Variants in RANBP2 observed in about 807,000 individuals in gnomAD.
RANBP2 encodes the protein RAN binding protein 2, also known as E3 SUMO-protein ligase RanBP2.
RANBP2 carries 57 observed loss-of-function variants against 303.6 expected under a neutral mutation model. The observed-to-expected ratio is 0.19, with a 90% CI of 0.15 to 0.23. RANBP2 has a LOEUF of 0.23. Ranked by LOEUF, RANBP2 falls within the 10% of genes least tolerant of loss-of-function variation. RANBP2 has a pLI of 1.00. For missense variants in RANBP2, 3,138 were observed against 3,780.8 expected, an observed-to-expected ratio of 0.83 and a Z score of 4.46; for synonymous variants, 1,167 against 1,301.5, an observed-to-expected ratio of 0.90 and a Z score of 2.23.
chr2:109,572,068 G>A, the RANBP2 span, among the ~76,000 whole-genome samples: 10 of 152,272 alleles, frequency 6.6e-5, no homozygotes, highest in Admixed American at 2.6e-4. Flanking sequence ...TAAATGCTTC[G>A]TAATATTCAT....
chr2:108,827,677 G>A, the RANBP2 span, among the ~76,000 whole-genome samples: 3 of 152,084 alleles, frequency 2.0e-5, no homozygotes, highest in East Asian at 1.9e-4. Context: ...TTAGCCAGGC[G>A]TGGTGGCAGG....
chr2:109,473,206 T>TA, the RANBP2 span, among the ~76,000 whole-genome samples: 2,494 of 152,316 alleles, frequency 0.016, 70 homozygotes, highest in African/African-American at 0.058. Context: ...TGCCTAGACA[T>TA]ACGAGCGCCT....
chr2:108,814,428 C>T, the RANBP2 span, among the ~76,000 whole-genome samples: 1 of 151,874 alleles, frequency 6.6e-6, no homozygotes, highest in Non-Finnish European at 1.5e-5. Flanking sequence ...ACTTTATATT[C>T]AGGGACTGAA....
the RANBP2 span, among the ~76,000 whole-genome samples, chr2:108,818,405 A>G: frequency 6.6e-6 from 1 of 152,240 alleles, no homozygotes; most frequent in African/African-American, 2.4e-5. Flanking sequence ...CTCAGGATTC[A>G]TTTTAACATC....
At chr2:108,862,241 A>G in the RANBP2 span, among the ~76,000 whole-genome samples, 5 of 152,078 alleles carry the variant, frequency 3.3e-5, no homozygotes, top group Non-Finnish European at 7.4e-5. Context: ...AGAAATCTCA[A>G]TGGAATTTAT....
chr2:109,646,657 A>ATTT, the RANBP2 span, among the ~76,000 whole-genome samples: 49 of 119,012 alleles, frequency 4.1e-4, no homozygotes, highest in African/African-American at 1.4e-3. Context: ...ATGACTGGCT[A>ATTT]TTTTTTTTTT....
At chr2:109,425,592 T>A in the RANBP2 span, among the ~76,000 whole-genome samples, 6 of 152,198 alleles carry the variant, frequency 3.9e-5, no homozygotes, top group African/African-American at 1.2e-4. Flanking sequence ...CTAAATCTAC[T>A]CTGCCTGTGC....
the RANBP2 span, among the ~76,000 whole-genome samples, chr2:109,322,978 CTG>C: frequency 6.6e-6 from 1 of 152,204 alleles, no homozygotes; most frequent in Non-Finnish European, 1.5e-5. Context: ...CCAAATCTGA[CTG>C]TGGGCAAGGC....
At chr2:108,835,691 A>G in the RANBP2 span, among the ~76,000 whole-genome samples, 4 of 152,230 alleles carry the variant, frequency 2.6e-5, no homozygotes, top group Non-Finnish European at 4.4e-5. Flanking sequence ...ATTTTTAAGT[A>G]TACAGTTCAT....
the RANBP2 span, among the ~76,000 whole-genome samples, chr2:109,511,294 G>A: frequency 7.5e-4 from 114 of 152,288 alleles, no homozygotes; most frequent in African/African-American, 2.6e-3. Flanking sequence ...GGAGAATGAG[G>A]TCCCACAGCC....
chr2:109,527,248 T>C, the RANBP2 span, among the ~76,000 whole-genome samples: 2 of 152,330 alleles, frequency 1.3e-5, 1 homozygote, highest in South Asian at 4.1e-4. Flanking sequence ...GTGCTGGTCC[T>C]GGAGACTAAG....
the RANBP2 span, among the ~76,000 whole-genome samples, chr2:109,489,822 C>T: frequency 0.023 from 3,490 of 152,284 alleles, 70 homozygotes; most frequent in African/African-American, 0.054. Context: ...ACTGCAACCT[C>T]CACCTCCTGG....
chr2:109,463,995 C>T, the RANBP2 span, among the ~76,000 whole-genome samples: 11 of 152,242 alleles, frequency 7.2e-5, no homozygotes, highest in South Asian at 6.2e-4. Context: ...GATAGACCCT[C>T]GCTCGGGAGG....
chr2:108,780,177 T>C (rs888910125), intron 25 of RANBP2, among the ~76,000 whole-genome samples: 11 of 148,244 alleles, frequency 7.4e-5, no homozygotes, highest in African/African-American at 2.7e-4. Flanking sequence ...TTTACTAGCT[T>C]TTTTTTTTTT....
chr2:109,707,580 C>T, the RANBP2 span, among the ~76,000 whole-genome samples: 5 of 152,188 alleles, frequency 3.3e-5, no homozygotes, highest in African/African-American at 9.7e-5. Context: ...GATTCCTCCA[C>T]CACCCGCCCT....
At chr2:109,632,060 T>C in the RANBP2 span, among the ~76,000 whole-genome samples, 1 of 152,132 alleles carries the variant, frequency 6.6e-6, no homozygotes, top group African/African-American at 2.4e-5. Flanking sequence ...TTTAATCACT[T>C]GTGCCTACAA....
At chr2:108,866,876 GTC>G in the RANBP2 span, among the ~76,000 whole-genome samples, 3 of 149,470 alleles carry the variant, frequency 2.0e-5, no homozygotes, top group Admixed American at 1.3e-4. Flanking sequence ...GAGTAAGACT[GTC>G]TGAAAAAAAA....
chr2:109,068,364 C>T, the RANBP2 span, among the ~76,000 whole-genome samples: 1 of 152,146 alleles, frequency 6.6e-6, no homozygotes, highest in African/African-American at 2.4e-5. Flanking sequence ...GAACCCCCAC[C>T]CCAGATGGCA....
At chr2:109,145,534 G>A in the RANBP2 span, among the ~76,000 whole-genome samples, 2 of 152,218 alleles carry the variant, frequency 1.3e-5, no homozygotes, top group African/African-American at 4.8e-5. Context: ...GAAAGGGGCT[G>A]CTTCCTCACA....
Sources: gnomAD v4.1 joint callset for allele counts (sites outside exome capture counted in the v4.1 genomes callset) on GRCh38, gnomAD v4.1.1 for gene constraint, MANE v1.5 for transcripts, NCBI Gene and HGNC (gene_info 2026-07-23, HGNC 2026-07-21) for gene names.